The following DENND1A variants were observed in gnomAD, a reference collection of about 807,000 sequenced individuals.
DENND1A encodes DENN domain-containing protein 1A.
DENND1A carries 51 observed loss-of-function variants against 113.7 expected under a neutral mutation model. The observed-to-expected ratio is 0.45, with a 90% CI of 0.36 to 0.57. The LOEUF is 0.57. DENND1A is among the 20% of genes least tolerant of loss of function. The pLI is 0.00. For missense variants in DENND1A, 1,258 were observed against 1,395.9 expected, an observed-to-expected ratio of 0.90 and a Z score of 1.57; for synonymous variants, 565 against 570.8, an observed-to-expected ratio of 0.99 and a Z score of 0.14.
chr9:123,672,868 A>G (rs2063833788), intron 6 of DENND1A, among the ~76,000 whole-genome samples: 1 of 152,262 alleles, frequency 6.6e-6, no homozygotes, highest in Admixed American at 6.5e-5. Context: ...GAGAATCATA[A>G]TAATCTGGAA....
At chr9:123,918,360 C>T (rs1234139695) in intron 1 of DENND1A, among the ~76,000 whole-genome samples, 2 of 151,720 alleles carry the variant, frequency 1.3e-5, no homozygotes, top group Non-Finnish European at 2.9e-5. Flanking sequence ...TGGCGGCGGG[C>T]GCCTGTACTC....
chr9:123,776,361 A>G (rs761425832), intron 3 of DENND1A, among the ~76,000 whole-genome samples: 8 of 152,194 alleles, frequency 5.3e-5, no homozygotes, highest in Non-Finnish European at 8.8e-5. Context: ...TCTAAAAATT[A>G]TTTTTAAATA....
intron 13 of DENND1A, among the ~76,000 whole-genome samples, chr9:123,501,911 C>A (rs1259148044): frequency 6.6e-6 from 1 of 152,198 alleles, no homozygotes; most frequent in Non-Finnish European, 1.5e-5. Flanking sequence ...GCTCTCCTTG[C>A]TCCTCAGCTT....
chr9:123,825,624 T>A (rs536427059), intron 2 of DENND1A, among the ~76,000 whole-genome samples: 1 of 152,266 alleles, frequency 6.6e-6, no homozygotes, highest in Non-Finnish European at 1.5e-5. Flanking sequence ...GTAAGATGCA[T>A]CACGATTTCA....
Position 123,583,141 on chromosome 9 carries a change from G to T in DENND1A, c.867+28C>A, listed in dbSNP as rs745438244. On this transcript the variant is annotated intron_variant, in intron 12 of 23. Transcript: ENST00000394215. ...ATTTCCTTTGCAGGAGCTCACAGAAGTGAGATCCTCGCAAGCTCATTACCT... is the reference window on the plus strand; with the variant it reads ...ATTTCCTTTGCAGGAGCTCACAGAATTGAGATCCTCGCAAGCTCATTACCT... 6 of 1,532,244 alleles carry T rather than the reference G, an allele frequency of 3.9e-6. No homozygotes were observed. The South Asian group carries it at 5.9e-5, about 15-fold the overall frequency. The allele number at this position is 1,532,244 out of a possible 1,614,324, so 94.9% of individuals were successfully genotyped here.
chr9:123,849,603 T>A (rs962461349), intron 2 of DENND1A, among the ~76,000 whole-genome samples: 4 of 152,168 alleles, frequency 2.6e-5, no homozygotes, highest in Admixed American at 6.5e-5. Context: ...TAACACAACA[T>A]CCATTCTGCA....
At chr9:123,566,842 C>CT (rs1374293233) in intron 12 of DENND1A, among the ~76,000 whole-genome samples, 5 of 151,436 alleles carry the variant, frequency 3.3e-5, no homozygotes. Context: ...CCTCCAAATA[C>CT]TTTTTTTTGT....
intron 16 of DENND1A, among the ~76,000 whole-genome samples, 190 bp from the exon 17 acceptor site, chr9:123,452,537 G>A (rs906516456): frequency 1.6e-5 from 2 of 124,834 alleles, no homozygotes; most frequent in African/African-American, 6.0e-5. Context: ...CTCGGTGGGA[G>A]CTGTGGGTGG....
chr9:123,548,287 T>C (rs1454188462), intron 13 of DENND1A, among the ~76,000 whole-genome samples: 1 of 152,178 alleles, frequency 6.6e-6, no homozygotes, highest in Non-Finnish European at 1.5e-5. Flanking sequence ...TACCAGCCCC[T>C]TCTGCAGTCC....
intron 11 of DENND1A, among the ~76,000 whole-genome samples, chr9:123,589,680 T>C (rs991480991): frequency 2.2e-5 from 3 of 138,108 alleles, no homozygotes; most frequent in Non-Finnish European, 4.6e-5. Flanking sequence ...AAAACTGACA[T>C]GCACACTGGC....
chr9:123,646,296 T>C (rs2062322364), intron 9 of DENND1A, among the ~76,000 whole-genome samples: 1 of 152,104 alleles, frequency 6.6e-6, no homozygotes, highest in African/African-American at 2.4e-5. Flanking sequence ...TGAATCCTAA[T>C]GGAAGACTGA....
At chr9:123,469,483 G>A (rs992542823) in intron 13 of DENND1A, among the ~76,000 whole-genome samples, 21 of 152,216 alleles carry the variant, frequency 1.4e-4, no homozygotes, top group African/African-American at 4.6e-4. Flanking sequence ...CCCACGCCTC[G>A]GCTCCTCTGT....
intron 2 of DENND1A, among the ~76,000 whole-genome samples, chr9:123,872,581 T>C (rs1425961851): frequency 1.3e-5 from 2 of 152,162 alleles, no homozygotes; most frequent in Non-Finnish European, 2.9e-5. Context: ...ACAGTAGTTA[T>C]TGAGTGATAA....
At chr9:123,496,645 A>G (rs931887461) in intron 13 of DENND1A, among the ~76,000 whole-genome samples, 11 of 152,198 alleles carry the variant, frequency 7.2e-5, no homozygotes, top group Admixed American at 7.2e-4. Context: ...ATACCTCTTC[A>G]AATCTGCAGA....
At chr9:123,740,380 T>C (rs937846887) in intron 5 of DENND1A, among the ~76,000 whole-genome samples, 1 of 152,160 alleles carries the variant, frequency 6.6e-6, no homozygotes, top group African/African-American at 2.4e-5. Flanking sequence ...GTACAGAAGA[T>C]AAGCATTAAA....
chr9:123,904,095 C>T (rs938839942), intron 1 of DENND1A, among the ~76,000 whole-genome samples: 1 of 152,054 alleles, frequency 6.6e-6, no homozygotes, highest in East Asian at 1.9e-4. Flanking sequence ...CTGGGAGGCA[C>T]CCCCCAGCAG....
rs1175370520 is a variant in DENND1A, at chr9:123,380,330, T to C, written c.*1102A>G. 1 of 152,588 alleles carries C rather than the reference T, an allele frequency of 6.6e-6. No homozygotes were observed. The highest frequency in any genetic ancestry group is 2.4e-5 in the African/African-American group (1 of 41,466). 9.5% of individuals were successfully genotyped at this position (152,588 alleles called of 1,614,324 possible). On this transcript the variant is annotated 3_prime_UTR_variant, in exon 24 of 24. Transcript: ENST00000394215. ...AGATAATAAACATTCAATCTAACTT[T>C]GGTGACGTTGGCCTCAGGAATTTCT...
chr9:123,536,874 T>G (rs571466690), intron 13 of DENND1A, among the ~76,000 whole-genome samples: 10 of 152,298 alleles, frequency 6.6e-5, no homozygotes, highest in Admixed American at 5.9e-4. Context: ...AGAAGAGCTG[T>G]TAACTCAGTG....
chr9:123,786,189 A>T (rs1456746923), intron 3 of DENND1A, among the ~76,000 whole-genome samples: 1 of 151,956 alleles, frequency 6.6e-6, no homozygotes, highest in Non-Finnish European at 1.5e-5. Flanking sequence ...ACTCCAGTCT[A>T]GGCAACAGAG....
Sources: allele counts gnomAD v4.1 joint callset (sites outside exome capture counted in the v4.1 genomes callset), GRCh38; gene constraint gnomAD v4.1.1; transcripts MANE v1.5; gene names NCBI Gene and HGNC (gene_info 2026-07-23, HGNC 2026-07-21).